CSMD1: variants seen among roughly 807,000 people sequenced by gnomAD.
CSMD1 encodes CUB and Sushi multiple domains 1.
A neutral mutation model predicts 417.5 loss-of-function variants in CSMD1; 213 were observed. The observed-to-expected ratio is 0.51, with a 90% CI of 0.46 to 0.57. The LOEUF is 0.57. Ranked by LOEUF, CSMD1 falls within the 20% of genes least tolerant of loss-of-function variation. CSMD1 has a pLI of 0.00. For synonymous variants in CSMD1, 2,862 were observed against 1,736.8 expected, an observed-to-expected ratio of 1.65 and a Z score of -16.11; for missense variants, 6,923 against 4,529.7, an observed-to-expected ratio of 1.53 and a Z score of -15.17.
chr8:3,688,696 C>T (rs1032870372), intron 7 of CSMD1, among the ~76,000 whole-genome samples: 1 of 152,106 alleles, frequency 6.6e-6, no homozygotes, highest in South Asian at 2.1e-4. Context: ...CTGTAGGGCA[C>T]TCTGAATTTC....
intron 1 of CSMD1, among the ~76,000 whole-genome samples, chr8:4,938,435 A>G (rs1807766373): frequency 6.6e-6 from 1 of 152,178 alleles, no homozygotes; most frequent in African/African-American, 2.4e-5. Context: ...GCATATGCAT[A>G]CTCACTTGTT....
intron 11 of CSMD1, among the ~76,000 whole-genome samples, chr8:3,474,824 C>T (rs936780944): frequency 5.3e-5 from 8 of 152,100 alleles, no homozygotes; most frequent in African/African-American, 1.9e-4. Context: ...CCCAAGTTGA[C>T]TCTATAGTAC....
At chr8:4,581,329 T>A (rs1279610823) in intron 2 of CSMD1, among the ~76,000 whole-genome samples, 2 of 152,202 alleles carry the variant, frequency 1.3e-5, no homozygotes, top group Admixed American at 6.5e-5. Context: ...TTAAGTTGAA[T>A]ATATACTACT....
At chr8:2,984,444 G>C (rs1805689606) in intron 54 of CSMD1, among the ~76,000 whole-genome samples, 1 of 151,954 alleles carries the variant, frequency 6.6e-6, no homozygotes, top group African/African-American at 2.4e-5. Context: ...CGCCTCCCTG[G>C]TTCAAGAGAT....
intron 10 of CSMD1, among the ~76,000 whole-genome samples, chr8:3,541,746 A>AAT (rs56904786): frequency 7.1e-6 from 1 of 140,628 alleles, no homozygotes; most frequent in African/African-American, 2.8e-5. Context: ...ATATTATATA[A>AAT]ATATATATAA....
chr8:4,362,701 T>C (rs1346951769), intron 3 of CSMD1, among the ~76,000 whole-genome samples: 4 of 152,214 alleles, frequency 2.6e-5, no homozygotes, highest in Non-Finnish European at 4.4e-5. Flanking sequence ...ACTGATAAGA[T>C]TTGTAAGAGA....
At chr8:3,024,675 T>G (rs1439619854) in intron 51 of CSMD1, among the ~76,000 whole-genome samples, 1 of 152,216 alleles carries the variant, frequency 6.6e-6, no homozygotes, top group Non-Finnish European at 1.5e-5. Flanking sequence ...AAAGGTGGTG[T>G]AATTCTCACC....
intron 1 of CSMD1, among the ~76,000 whole-genome samples, chr8:4,690,754 G>A (rs941522058): frequency 6.6e-6 from 1 of 152,124 alleles, no homozygotes; most frequent in East Asian, 1.9e-4. Flanking sequence ...TTTTGAGACA[G>A]AATCTCACTC....
intron 25 of CSMD1, among the ~76,000 whole-genome samples, chr8:3,306,011 G>A (rs1051533622): frequency 6.6e-6 from 1 of 152,042 alleles, no homozygotes; most frequent in Admixed American, 6.6e-5. Context: ...TGTAGCAGCA[G>A]AAACACCATC....
chr8:3,179,545 G>A (rs1195901198), intron 37 of CSMD1, among the ~76,000 whole-genome samples: 1 of 152,156 alleles, frequency 6.6e-6, no homozygotes, highest in Non-Finnish European at 1.5e-5. Flanking sequence ...TGATGGGGCT[G>A]AAGCCCAGGT....
At chr8:3,040,841 T>G (rs1298788861) in intron 50 of CSMD1, among the ~76,000 whole-genome samples, 3 of 152,162 alleles carry the variant, frequency 2.0e-5, no homozygotes, top group Non-Finnish European at 4.4e-5. Flanking sequence ...ATAGATGATT[T>G]GAATGTTTTG....
intron 3 of CSMD1, among the ~76,000 whole-genome samples, chr8:4,267,640 C>T (rs970184448): frequency 3.3e-5 from 5 of 151,898 alleles, no homozygotes; most frequent in African/African-American, 1.2e-4. Flanking sequence ...TAATTAAATA[C>T]ATATCTTTGC....
chr8:2,963,350 T>A lies in CSMD1; in HGVS notation c.9326A>T (p.Glu3109Val). ...QPPPVQNGTVEGSDFRWGSSI... is the reference protein window; with the variant it reads ...QPPPVQNGTVVGSDFRWGSSI... Reference sequence around the variant, plus strand: ...GGAGCCCCAGCGGAAATCACTTCCCTCCACTGTTCCATTCTGCACCGGCGG... The same window carrying A: ...GGAGCCCCAGCGGAAATCACTTCCCACCACTGTTCCATTCTGCACCGGCGG... Residue 3109 changes from glutamate to valine, a missense_variant, in exon 60 of 70, where the codon GAG becomes GTG. By Grantham distance (121) the Glu-to-Val change is moderately radical. Transcript: ENST00000635120. 1 of 1,613,898 alleles carries A rather than the reference T, an allele frequency of 6.2e-7. No individual in the cohort carries two copies. The highest frequency in any genetic ancestry group is 1.6e-4 in the Middle Eastern group (1 of 6,062).
At chr8:3,473,665 G>A (rs528575131) in intron 11 of CSMD1, among the ~76,000 whole-genome samples, 5 of 152,260 alleles carry the variant, frequency 3.3e-5, no homozygotes, top group South Asian at 2.1e-4. Context: ...TACAGTAGGT[G>A]CTCAAATGAA....
Position 2,955,740 on chromosome 8 carries a change from C to G in CSMD1, c.9843G>C (p.Pro3281=). 6.2e-7 allele frequency: 1 copy of G among 1,613,758 alleles called. No individual in the cohort carries two copies. Among genetic ancestry groups the G allele is most frequent in the Non-Finnish European group, 8.5e-7 (1 of 1,179,778 alleles). ...IPHACRQPET[P]AHADVRAIDL... is the part of the protein sequence containing the mutation. ...CGATGGCTCTCACATCCGCGTGTGC[C>G]GGGGTTTCTGGCTGTCTGCAGGCAT... The change falls in exon 64 of 70, where the codon CCG becomes CCC. Residue 3281 remains proline (P), a synonymous_variant. Transcript: ENST00000635120.
intron 49 of CSMD1, among the ~76,000 whole-genome samples, chr8:3,053,800 G>A (rs10081576): frequency 0.1 from 15,558 of 152,040 alleles, 802 homozygotes; most frequent in African/African-American, 0.14. Flanking sequence ...CAATAATCAC[G>A]TACCCACTTC....
At chr8:3,202,146 C>A (rs544836007) in intron 31 of CSMD1, among the ~76,000 whole-genome samples, 1 of 151,834 alleles carries the variant, frequency 6.6e-6, no homozygotes. Context: ...CCAGCCTGGG[C>A]GACAGAGTGA....
intron 47 of CSMD1, among the ~76,000 whole-genome samples, chr8:3,092,016 G>C (rs965477274): frequency 2.8e-4 from 42 of 152,152 alleles, no homozygotes; most frequent in African/African-American, 9.2e-4. Context: ...TGTAATACTA[G>C]TGGAAGCGTA....
At chr8:3,877,116 G>A (rs2975353) in intron 5 of CSMD1, among the ~76,000 whole-genome samples, 2 of 152,162 alleles carry the variant, frequency 1.3e-5, no homozygotes, top group South Asian at 2.1e-4. Context: ...GCAACTCCTC[G>A]GTGAAGCAGG....
Sources: allele counts gnomAD v4.1 joint callset (sites outside exome capture counted in the v4.1 genomes callset), GRCh38; gene constraint gnomAD v4.1.1; transcripts MANE v1.5; gene names NCBI Gene and HGNC (gene_info 2026-07-23, HGNC 2026-07-21).